The following GBP6 variants were observed in gnomAD, a reference collection of about 807,000 sequenced individuals.
The protein encoded by GBP6 is guanylate binding protein family member 6.
GBP6 carries 54 observed loss-of-function variants against 61.5 expected under a neutral mutation model. The observed-to-expected ratio is 0.88, with a 90% CI of 0.71 to 1.10. The LOEUF (loss-of-function observed/expected upper bound fraction) is 1.10, where lower values mean the gene tolerates loss of function less well. Ranked by LOEUF, GBP6 falls within the 50% of genes least tolerant of loss-of-function variation. The probability of loss-of-function intolerance (pLI) is 0.00; values close to 1 mark genes in which losing one functional copy is unlikely to be tolerated. For missense variants in GBP6, 748 were observed against 752.8 expected, an observed-to-expected ratio of 0.99 and a Z score of 0.07; for synonymous variants, 255 against 273.7, an observed-to-expected ratio of 0.93 and a Z score of 0.67.
At chr1:89,371,165 G>A (rs993298038) in intron 3 of GBP6, among the ~76,000 whole-genome samples, 1 of 152,126 alleles carries the variant, frequency 6.6e-6, no homozygotes, top group Non-Finnish European at 1.5e-5. Context: ...TGTTGCAAAT[G>A]ACAAAATTCC....
intron 5 of GBP6, among the ~76,000 whole-genome samples, chr1:89,379,264 TACC>T (rs1348521155): frequency 6.6e-6 from 1 of 151,984 alleles, no homozygotes; most frequent in African/African-American, 2.4e-5. Context: ...GTGAACTCAT[TACC>T]ACAAGGATGG....
intron 3 of GBP6, among the ~76,000 whole-genome samples, chr1:89,371,930 A>G (rs1295334319): frequency 6.6e-6 from 1 of 152,236 alleles, no homozygotes; most frequent in South Asian, 2.1e-4. Flanking sequence ...ATCTCAGCCC[A>G]AAATCTCCTT....
chr1:89,372,400 C>A (rs1047291333), intron 3 of GBP6, among the ~76,000 whole-genome samples: 4 of 152,190 alleles, frequency 2.6e-5, no homozygotes, highest in African/African-American at 9.7e-5. Flanking sequence ...ATCATGCTAC[C>A]TGACTTCAAA....
intron 1 of GBP6, among the ~76,000 whole-genome samples, chr1:89,368,030 A>AT (rs1232778773): frequency 2.6e-5 from 4 of 152,148 alleles, no homozygotes; most frequent in African/African-American, 9.7e-5. Flanking sequence ...CATTTTAGCC[A>AT]TTTTTTTAAA....
intron 1 of GBP6, among the ~76,000 whole-genome samples, chr1:89,364,653 G>T (rs897220053): frequency 1.4e-5 from 2 of 143,010 alleles, no homozygotes; most frequent in East Asian, 2.0e-4. Flanking sequence ...GTGTATGTGT[G>T]TGTGGGGAGG....
At chr1:89,372,415 A>C (rs1462319294) in intron 3 of GBP6, among the ~76,000 whole-genome samples, 1 of 152,246 alleles carries the variant, frequency 6.6e-6, no homozygotes, top group African/African-American at 2.4e-5. Flanking sequence ...TTCAAACTAT[A>C]CTACAAGGCT....
In GBP6 at chr1:89,370,095, A is replaced by G. The variant is rs1417770959; in HGVS notation, c.318+422A>G. ...ATTCCATAGGGAACTCTGTGGCTGG[A>G]ATGGCCCTTTTGAGTTATCATGTTT... On this transcript the variant is annotated intron_variant, in intron 3 of 10. Transcript: ENST00000370456. Among the ~76,000 whole-genome samples, 14 of 152,278 alleles carry G rather than the reference A, an allele frequency of 9.2e-5. No homozygotes were observed. In the East Asian group the frequency reaches 2.7e-3, roughly 29 times the overall value.
intron 10 of GBP6, 56 bp from the exon 11 acceptor site, chr1:89,385,174 G>C: frequency 1.3e-6 from 2 of 1,482,458 alleles, no homozygotes; most frequent in South Asian, 2.5e-5. Flanking sequence ...CAAAATGTAA[G>C]TCTTAAAAGA....
chr1:89,385,293 A>G lies in GBP6; in HGVS notation c.1726A>G (p.Ser576Gly). Residue 576 changes from serine to glycine, a missense_variant, in exon 11 of 11, where the codon AGT (serine) becomes GGT (glycine). Coordinates refer to ENST00000370456, the MANE Select transcript of GBP6 (RefSeq NM_198460.3). ...GTATGAGGAGATGAATGCAGAGATA[A>G]GTCAATTTAAACGTATGATTGATAC... ...KKYEEMNAEISQFKRMIDTTK... is the reference protein window; with the variant it reads ...KKYEEMNAEIGQFKRMIDTTK... 1 of 1,613,978 alleles carries G rather than the reference A, an allele frequency of 6.2e-7. No homozygotes were observed. The highest frequency in any genetic ancestry group is 1.6e-4 in the Middle Eastern group (1 of 6,062).
chr1:89,366,134 T>C (rs1322511966), intron 1 of GBP6, among the ~76,000 whole-genome samples: 2 of 152,200 alleles, frequency 1.3e-5, no homozygotes, highest in African/African-American at 4.8e-5. Context: ...TGACATTGAC[T>C]TTATCTCTCA....
chr1:89,378,740 G>A (rs1652878639), intron 5 of GBP6, 127 bp downstream of exon 5: 1 of 702,398 alleles, frequency 1.4e-6, no homozygotes, highest in Non-Finnish European at 2.4e-6. Flanking sequence ...GGGGACTGAG[G>A]GGTATGTTGA....
intron 6 of GBP6, 96 bp downstream of exon 6, chr1:89,380,727 A>T: frequency 8.9e-7 from 1 of 1,123,788 alleles, no homozygotes; most frequent in Non-Finnish European, 1.3e-6. Context: ...CATATAGAAA[A>T]ACTACGTGTA....
intron 3 of GBP6, among the ~76,000 whole-genome samples, chr1:89,374,943 C>T (rs1399925824): frequency 1.3e-5 from 2 of 152,016 alleles, no homozygotes; most frequent in Admixed American, 6.6e-5. Context: ...TCCCCTAATC[C>T]CCAGTGTGTG....
At chr1:89,365,455 C>G (rs1487234165) in intron 1 of GBP6, among the ~76,000 whole-genome samples, 2 of 152,228 alleles carry the variant, frequency 1.3e-5, no homozygotes, top group Non-Finnish European at 2.9e-5. Flanking sequence ...TGTTTGATCT[C>G]CATTTTCCTT....
In GBP6 at chr1:89,364,788, TA is replaced by T. The variant is rs11449719; in HGVS notation, c.-24+673del. 1.2e-4 allele frequency among the ~76,000 whole-genome samples: 17 copies of T among 143,240 alleles called. No individual in the cohort carries two copies. The South Asian group carries it at 2.0e-3, about 17-fold the overall frequency. The allele number at this position is 143,240 out of a possible 152,430, so 94.0% of individuals were successfully genotyped here. ...TGAACAATCCTCTCAGTTGATTCTT[TA>T]AAAAAAAAAAAGATGAAGAATAGAC... is the stretch of plus-strand genomic sequence containing the variant. On this transcript the variant is annotated intron_variant, in intron 1 of 10. Transcript: ENST00000370456.
chr1:89,366,653 G>A (rs1259181111), intron 1 of GBP6, among the ~76,000 whole-genome samples: 1 of 152,158 alleles, frequency 6.6e-6, no homozygotes, highest in Non-Finnish European at 1.5e-5. Flanking sequence ...GGAATAGGTT[G>A]CCCGATTATC....
chr1:89,383,161 A>T (rs1653036929), intron 8 of GBP6, among the ~76,000 whole-genome samples: 2 of 152,196 alleles, frequency 1.3e-5, no homozygotes. Flanking sequence ...CCTACAGTAT[A>T]CTGTTAAATT....
chr1:89,380,678 A>G, intron 6 of GBP6, 47 bp downstream of exon 6: 2 of 1,567,790 alleles, frequency 1.3e-6, no homozygotes, highest in South Asian at 1.2e-5. Context: ...TGTGTTGAAT[A>G]TATTGTATAA....
At chr1:89,380,756 G>C (rs994470538) in intron 6 of GBP6, 125 bp downstream of exon 6, 11 of 770,968 alleles carry the variant, frequency 1.4e-5, no homozygotes, top group Non-Finnish European at 2.0e-5. Flanking sequence ...TTCACACTCA[G>C]TGAAGAAATG....
Sources: allele counts gnomAD v4.1 joint callset (sites outside exome capture counted in the v4.1 genomes callset), GRCh38; gene constraint gnomAD v4.1.1; transcripts MANE v1.5; gene names NCBI Gene and HGNC (gene_info 2026-07-23, HGNC 2026-07-21).